Variants in KCNMA1 observed in about 807,000 individuals in gnomAD.
KCNMA1 encodes Calcium-activated potassium channel subunit alpha-1.
In KCNMA1, 29 loss-of-function variants were observed where a neutral mutation model predicts 140.0. That is an observed-to-expected ratio of 0.21 (90% CI 0.15 to 0.28). The LOEUF is 0.28. Among genes scored for constraint, KCNMA1 ranks in the 10% least tolerant of loss-of-function variants. KCNMA1 has a pLI of 1.00. For missense variants in KCNMA1, 880 were observed against 1,602.2 expected (o/e 0.55, Z 7.70); for synonymous variants, 612 against 611.9 (o/e 1.00, Z 0.00).
chr10:77,442,139 A>G (rs192766524), intron 1 of KCNMA1, among the ~76,000 whole-genome samples: 274 of 152,296 alleles, frequency 1.8e-3, no homozygotes, highest in African/African-American at 6.4e-3. Context: ...TATGGGGCCA[A>G]GACCTCACTC....
intron 5 of KCNMA1, among the ~76,000 whole-genome samples, chr10:77,163,342 G>C (rs1056516052): frequency 6.6e-6 from 1 of 152,168 alleles, no homozygotes; most frequent in African/African-American, 2.4e-5. Flanking sequence ...ATGCCACAGA[G>C]GCAGAGTTGA....
chr10:77,399,690 T>G (rs572107428), intron 2 of KCNMA1, among the ~76,000 whole-genome samples: 27 of 152,338 alleles, frequency 1.8e-4, no homozygotes, highest in Non-Finnish European at 1.0e-4. Flanking sequence ...AAAGCACTGG[T>G]GAATGGCAAT....
At chr10:77,567,162 C>T (rs1177533746) in intron 1 of KCNMA1, among the ~76,000 whole-genome samples, 1 of 152,118 alleles carries the variant, frequency 6.6e-6, no homozygotes, top group Non-Finnish European at 1.5e-5. Context: ...GGCCCTGAGC[C>T]CTACAGTAGA....
chr10:77,286,766 CGGGG>C (rs59896024), intron 2 of KCNMA1, among the ~76,000 whole-genome samples: 5 of 136,802 alleles, frequency 3.7e-5, no homozygotes, highest in South Asian at 2.6e-4. Flanking sequence ...TGTGTGTGTG[CGGGG>C]GGGGGGGGGG....
intron 1 of KCNMA1, among the ~76,000 whole-genome samples, chr10:77,600,559 A>G (rs1305130056): frequency 2.0e-5 from 3 of 151,800 alleles, no homozygotes; most frequent in African/African-American, 7.3e-5. Flanking sequence ...GACCAGCCTG[A>G]CCAACATGGA....
chr10:77,578,144 G>A (rs2074797872), intron 1 of KCNMA1, among the ~76,000 whole-genome samples: 2 of 152,260 alleles, frequency 1.3e-5, no homozygotes, highest in African/African-American at 4.8e-5. Context: ...GGCCTCACCA[G>A]TGGGCCTTTC....
intron 2 of KCNMA1, among the ~76,000 whole-genome samples, chr10:77,362,365 C>CCCCACACACA (rs1555238717): frequency 1.7e-5 from 2 of 119,048 alleles, no homozygotes; most frequent in African/African-American, 3.3e-5. Flanking sequence ...CCCCCCCACC[C>CCCCACACACA]CACACACACA....
At chr10:77,430,981 T>C (rs917354852) in intron 1 of KCNMA1, among the ~76,000 whole-genome samples, 8 of 152,204 alleles carry the variant, frequency 5.3e-5, no homozygotes, top group African/African-American at 1.9e-4. Context: ...CATGATTTTC[T>C]TGGGAAATAT....
At chr10:77,278,836 T>G (rs755313596) in intron 2 of KCNMA1, among the ~76,000 whole-genome samples, 6 of 152,318 alleles carry the variant, frequency 3.9e-5, no homozygotes, top group Non-Finnish European at 8.8e-5. Flanking sequence ...TATCCATCCC[T>G]CTGCTATTCA....
chr10:77,166,693 A>C (rs2098646314), intron 5 of KCNMA1, among the ~76,000 whole-genome samples: 1 of 151,844 alleles, frequency 6.6e-6, no homozygotes, highest in South Asian at 2.1e-4. Flanking sequence ...GGAGGGGAGG[A>C]GGAGTTTTAA....
At chr10:77,574,752 G>T (rs926189391) in intron 1 of KCNMA1, among the ~76,000 whole-genome samples, 1 of 152,192 alleles carries the variant, frequency 6.6e-6, no homozygotes, top group Non-Finnish European at 1.5e-5. Context: ...TAGAATGGTC[G>T]TGAGGATCAC....
intron 5 of KCNMA1, among the ~76,000 whole-genome samples, chr10:77,121,692 C>T (rs1398497566): frequency 1.3e-5 from 2 of 152,132 alleles, no homozygotes; most frequent in African/African-American, 4.8e-5. Flanking sequence ...AAATCAACAA[C>T]CTCTCTTGAA....
intron 1 of KCNMA1, among the ~76,000 whole-genome samples, chr10:77,463,690 C>T (rs1189678567): frequency 1.3e-5 from 2 of 152,174 alleles, no homozygotes; most frequent in African/African-American, 4.8e-5. Flanking sequence ...GCCAGGAGGC[C>T]TCATGCAACC....
chr10:77,422,771 G>A (rs1402989636), intron 1 of KCNMA1, among the ~76,000 whole-genome samples: 1 of 152,196 alleles, frequency 6.6e-6, no homozygotes, highest in African/African-American at 2.4e-5. Flanking sequence ...CAAAGAAGCA[G>A]AGACTGGAGT....
At chr10:76,986,460 C>T (rs528219251) in intron 19 of KCNMA1, among the ~76,000 whole-genome samples, 21 of 152,296 alleles carry the variant, frequency 1.4e-4, no homozygotes, top group African/African-American at 5.1e-4. Flanking sequence ...CAGGCATAGG[C>T]CATGGGCATC....
chr10:76,967,914 G>T (rs1237211327), intron 20 of KCNMA1, among the ~76,000 whole-genome samples: 1 of 152,120 alleles, frequency 6.6e-6, no homozygotes, highest in African/African-American at 2.4e-5. Flanking sequence ...ATGAAAGCAA[G>T]ATCCACTTTG....
intron 14 of KCNMA1, chr10:77,071,126 C>A (rs560710435): frequency 6.6e-6 from 1 of 152,370 alleles, no homozygotes; most frequent in South Asian, 2.1e-4. Context: ...ATGGGATTAG[C>A]TGAGCTGGAG....
intron 2 of KCNMA1, among the ~76,000 whole-genome samples, chr10:77,377,294 C>G (rs1355685436): frequency 6.6e-6 from 1 of 152,208 alleles, no homozygotes; most frequent in African/African-American, 2.4e-5. Context: ...CACCTGCTGA[C>G]AAGGCCTCTC....
At chr10:77,211,724 C>A (rs2046134207) in intron 3 of KCNMA1, among the ~76,000 whole-genome samples, 1 of 152,086 alleles carries the variant, frequency 6.6e-6, no homozygotes, top group African/African-American at 2.4e-5. Flanking sequence ...GGTCTAATAA[C>A]TAGGATCTAT....
Sources: allele counts gnomAD v4.1 joint callset (sites outside exome capture counted in the v4.1 genomes callset), GRCh38; gene constraint gnomAD v4.1.1; transcripts MANE v1.5; gene names NCBI Gene and HGNC (gene_info 2026-07-23, HGNC 2026-07-21).